IPO11: variants seen among roughly 807,000 people sequenced by gnomAD.
IPO11 encodes the protein importin 11.
In IPO11, 66 loss-of-function variants were observed where a neutral mutation model predicts 143.2. That is an observed-to-expected ratio of 0.46 (90% confidence interval 0.38 to 0.57). The LOEUF (loss-of-function observed/expected upper bound fraction) is 0.57, where lower values mean the gene tolerates loss of function less well. Among genes scored for constraint, IPO11 ranks in the 20% least tolerant of loss-of-function variants. The probability of loss-of-function intolerance (pLI) is 0.00; values close to 1 mark genes in which losing one functional copy is unlikely to be tolerated. For missense variants in IPO11, 1,026 were observed against 1,141.0 expected, an observed-to-expected ratio of 0.90 and a Z score of 1.45; for synonymous variants, 385 against 377.8, an observed-to-expected ratio of 1.02 and a Z score of -0.22.
At chr5:62,474,965 C>T (rs1438350950) in intron 8 of IPO11, among the ~76,000 whole-genome samples, 2 of 152,068 alleles carry the variant, frequency 1.3e-5, no homozygotes, top group Non-Finnish European at 2.9e-5. Flanking sequence ...GAATGGTGCA[C>T]AATTGAAAAC....
intron 1 of IPO11, among the ~76,000 whole-genome samples, chr5:62,419,509 A>G (rs1743425180): frequency 6.6e-6 from 1 of 152,178 alleles, no homozygotes; most frequent in African/African-American, 2.4e-5. Context: ...GGTCAGGATC[A>G]TCAATATCTC....
intron 27 of IPO11, among the ~76,000 whole-genome samples, chr5:62,561,578 T>C (rs938619756): frequency 2.0e-5 from 3 of 152,192 alleles, no homozygotes; most frequent in African/African-American, 7.2e-5. Flanking sequence ...TACATAGATA[T>C]ATTAAATATC....
intron 27 of IPO11, chr5:62,578,767 G>A (rs1372807297): frequency 2.2e-6 from 1 of 459,266 alleles, no homozygotes. Flanking sequence ...TGTGAAGAGT[G>A]GTGTTTCCTG....
At chr5:62,415,518 G>T (rs1272058661) in intron 1 of IPO11, among the ~76,000 whole-genome samples, 2 of 144,996 alleles carry the variant, frequency 1.4e-5, no homozygotes, top group African/African-American at 5.2e-5. Flanking sequence ...GCCCAGGCTG[G>T]AGTGCAGTGG....
intron 29 of IPO11, among the ~76,000 whole-genome samples, chr5:62,602,490 C>T (rs1745542625): frequency 6.6e-6 from 1 of 152,024 alleles, no homozygotes; most frequent in African/African-American, 2.4e-5. Flanking sequence ...CATCATTTAA[C>T]TAACTTTATT....
Position 62,579,798 on chromosome 5 carries a change from C to G in IPO11, c.2583-11779C>G, listed in dbSNP as rs746816763. The G allele has an allele frequency of 4.5e-6, 7 of 1,543,684 alleles. No homozygotes were observed. The South Asian group carries it at 6.0e-5, about 13-fold the overall frequency. ...TTCTATTTCTAAATAATAATTTCATCAAACGCTTAGATCCTGGAATATTTA... is the reference window on the plus strand; with the variant it reads ...TTCTATTTCTAAATAATAATTTCATGAAACGCTTAGATCCTGGAATATTTA... On this transcript the variant is annotated intron_variant, in intron 27 of 29. Transcript: ENST00000325324.
At chr5:62,476,260 C>G (rs2112209968) in intron 8 of IPO11, among the ~76,000 whole-genome samples, 1 of 151,994 alleles carries the variant, frequency 6.6e-6, no homozygotes, top group East Asian at 1.9e-4. Flanking sequence ...GGACATTGTT[C>G]TGAATGTACA....
chr5:62,562,075 A>T (rs1035539346), intron 27 of IPO11: 1 of 152,140 alleles, frequency 6.6e-6, no homozygotes, highest in African/African-American at 2.4e-5. Context: ...AAAATTTTGA[A>T]ATTTCTTTTA....
chr5:62,470,143 G>A, intron 6 of IPO11, 107 bp from the exon 7 acceptor site: 2 of 1,068,774 alleles, frequency 1.9e-6, no homozygotes, highest in South Asian at 1.3e-5. Flanking sequence ...TTCCAACCCA[G>A]ATTAACCTCC....
intron 26 of IPO11, among the ~76,000 whole-genome samples, chr5:62,554,907 G>C (rs1048382519): frequency 6.6e-6 from 1 of 152,084 alleles, no homozygotes; most frequent in East Asian, 1.9e-4. Context: ...TAGAGATGAG[G>C]TTTCACCATT....
intron 27 of IPO11, among the ~76,000 whole-genome samples, chr5:62,568,738 G>T (rs1744041095): frequency 6.6e-6 from 1 of 152,086 alleles, no homozygotes; most frequent in African/African-American, 2.4e-5. Context: ...ATAGATCACT[G>T]ATGCATTATT....
At chr5:62,552,048 C>T (rs1036102981) in intron 26 of IPO11, among the ~76,000 whole-genome samples, 70 of 152,100 alleles carry the variant, frequency 4.6e-4, no homozygotes, top group African/African-American at 1.3e-3. Context: ...GGCGTGAACC[C>T]GGGAGGCAGA....
intron 19 of IPO11, among the ~76,000 whole-genome samples, chr5:62,509,973 G>A (rs1741689206): frequency 6.6e-6 from 1 of 152,160 alleles, no homozygotes. Flanking sequence ...GAAGCTCAAT[G>A]CTACTTTCCA....
intron 3 of IPO11, among the ~76,000 whole-genome samples, chr5:62,446,409 G>A (rs905800860): frequency 7.9e-5 from 12 of 152,192 alleles, no homozygotes; most frequent in Admixed American, 3.3e-4. Flanking sequence ...CACTTCCACA[G>A]CAACATACGA....
intron 28 of IPO11, among the ~76,000 whole-genome samples, 153 bp downstream of exon 28, chr5:62,591,825 T>G (rs998066478): frequency 6.6e-6 from 1 of 152,174 alleles, no homozygotes; most frequent in African/African-American, 2.4e-5. Flanking sequence ...GCTTGTAATA[T>G]TTATTGTTTG....
chr5:62,607,825 A>G (rs970659112), intron 29 of IPO11, among the ~76,000 whole-genome samples: 8 of 133,234 alleles, frequency 6.0e-5, no homozygotes, highest in Non-Finnish European at 1.3e-4. Flanking sequence ...GGAGAGTCTT[A>G]CTCTGTCACC....
chr5:62,525,130 A>G (rs560557030), intron 20 of IPO11, among the ~76,000 whole-genome samples: 157 of 152,302 alleles, frequency 1.0e-3, no homozygotes, highest in African/African-American at 3.6e-3. Flanking sequence ...AAAGATAACA[A>G]AAACACCTTT....
chr5:62,513,080 A>G (rs1212745869), intron 19 of IPO11, among the ~76,000 whole-genome samples: 6 of 149,330 alleles, frequency 4.0e-5, no homozygotes, highest in African/African-American at 7.4e-5. Context: ...ATCATGGCCC[A>G]TTCTCAATGA....
intron 20 of IPO11, 25 bp from the exon 21 acceptor site, chr5:62,526,117 T>C (rs1312470232): frequency 6.7e-7 from 1 of 1,487,616 alleles, no homozygotes; most frequent in Admixed American, 1.7e-5. Context: ...TGTCTTATTA[T>C]AAGTTTTATT....
Sources: gnomAD v4.1 joint callset for allele counts (sites outside exome capture counted in the v4.1 genomes callset) on GRCh38, gnomAD v4.1.1 for gene constraint, MANE v1.5 for transcripts, NCBI Gene and HGNC (gene_info 2026-07-23, HGNC 2026-07-21) for gene names.